SMURF2: variants seen among roughly 807,000 people sequenced by gnomAD.
SMURF2 encodes SMAD specific E3 ubiquitin protein ligase 2.
Under a neutral mutation model 109.6 loss-of-function variants are expected in SMURF2, and 48 were observed. The observed-to-expected ratio is 0.44, with a 90% CI of 0.35 to 0.56. SMURF2 has a LOEUF of 0.56. SMURF2 is among the 20% of genes least tolerant of loss of function. SMURF2 has a pLI of 0.01. For synonymous variants in SMURF2, 288 were observed against 317.1 expected (o/e 0.91, Z 0.97); for missense variants, 575 against 909.0 (o/e 0.63, Z 4.72).
intron 6 of SMURF2, among the ~76,000 whole-genome samples, chr17:64,584,641 G>A (rs1193745280): frequency 1.3e-5 from 2 of 152,080 alleles, no homozygotes; most frequent in East Asian, 3.9e-4. Flanking sequence ...ACAGGCGTAA[G>A]CCACCATGCC....
chr17:64,656,859 G>A (rs1598320586), intron 1 of SMURF2, among the ~76,000 whole-genome samples: 1 of 152,062 alleles, frequency 6.6e-6, no homozygotes, highest in East Asian at 1.9e-4. Context: ...CCCAGATTGT[G>A]TCTAAACAGC....
chr17:64,569,404 G>A (rs1156266510), intron 10 of SMURF2, among the ~76,000 whole-genome samples: 2 of 151,900 alleles, frequency 1.3e-5, no homozygotes, highest in African/African-American at 4.8e-5. Context: ...CTTGTAGTGT[G>A]AATTTTAGAA....
Position 64,583,516 on chromosome 17 carries a change from T to G in SMURF2, c.514A>C (p.Arg172=). The G allele has an allele frequency of 6.2e-7, 1 of 1,614,064 alleles. No homozygotes were observed. Among genetic ancestry groups the G allele is most frequent in the Non-Finnish European group, 8.5e-7 (1 of 1,179,920 alleles). Residue 172 remains arginine, a synonymous_variant, in exon 7 of 19, where the codon AGA becomes CGA. Transcript: ENST00000262435. The part of the protein sequence containing the change: ...GWEERRTASG[R]IQYLNHITRT... ...GTTATATGGTTTAGATACTGGATTC[T>G]TCCAGAGGCGGTTCTCCTTTCTTCC...
intron 10 of SMURF2, among the ~76,000 whole-genome samples, chr17:64,570,224 A>C (rs1969378430): frequency 6.6e-6 from 1 of 152,228 alleles, no homozygotes. Flanking sequence ...AGTCATTTTA[A>C]AGTATATTAT....
At chr17:64,654,091 A>G (rs1970674362) in intron 1 of SMURF2, among the ~76,000 whole-genome samples, 1 of 152,224 alleles carries the variant, frequency 6.6e-6, no homozygotes, top group Non-Finnish European at 1.5e-5. Flanking sequence ...AACTGGCTAC[A>G]AAGAGGTAAG....
At chr17:64,546,852 G>C (rs951077015) in intron 17 of SMURF2, among the ~76,000 whole-genome samples, 2 of 152,226 alleles carry the variant, frequency 1.3e-5, no homozygotes, top group Non-Finnish European at 2.9e-5. Context: ...AGGATGAGGA[G>C]CTCTCCTTAC....
chr17:64,582,060 G>C (rs1969585261), intron 7 of SMURF2, among the ~76,000 whole-genome samples: 1 of 151,926 alleles, frequency 6.6e-6, no homozygotes, highest in South Asian at 2.1e-4. Flanking sequence ...GAAGGAAATT[G>C]GTGTTCAAGT....
rs59188589 is a variant in SMURF2, at chr17:64,545,733, A to AGG, written c.*113_*114dup. 77 of 79,488 alleles carry AGG rather than the reference A, an allele frequency of 9.7e-4. No individual in the cohort carries two copies. Among genetic ancestry groups the AGG allele is most frequent in the Non-Finnish European group, 1.3e-3 (57 of 42,926 alleles). The allele number at this position is 79,488 out of a possible 1,614,324, so 4.9% of individuals were successfully genotyped here. A position where few individuals can be genotyped will look rare whatever the true frequency, so the allele number is the denominator to read the frequency against. ...CTAAAATGTAAAAAAAAAAAAAAAA[A>AGG]GGGGGGGGGGGGGAGTGTTTTCCTG... On this transcript the variant is annotated 3_prime_UTR_variant, in exon 19 of 19. Coordinates refer to ENST00000262435, the MANE Select transcript of SMURF2 (RefSeq NM_022739.4).
intron 1 of SMURF2, among the ~76,000 whole-genome samples, chr17:64,637,363 A>C (rs529891696): frequency 2.0e-5 from 3 of 151,948 alleles, no homozygotes; most frequent in East Asian, 3.9e-4. Context: ...CTGGCCTCAA[A>C]CAACCACTCG....
In SMURF2 at chr17:64,658,292, G is replaced by C. The variant is rs1481668780; in HGVS notation, c.52+3537C>G. The stretch of plus-strand genomic sequence containing the variant: ...GAATCACTTGAACCCGGGAGGTGGA[G>C]GTTGCAGTGGGCCGAGATCAAGCCC... On this transcript the variant is annotated intron_variant, in intron 1 of 18. Transcript: ENST00000262435. Among the ~76,000 whole-genome samples, 12 of 152,142 alleles carry C rather than the reference G, an allele frequency of 7.9e-5. 1 individual carries two copies. The highest frequency in any genetic ancestry group is 7.9e-4 in the Admixed American group (12 of 15,270).
At chr17:64,591,378 A>G (rs1555687707) in intron 4 of SMURF2, among the ~76,000 whole-genome samples, 1 of 152,316 alleles carries the variant, frequency 6.6e-6, no homozygotes, top group Middle Eastern at 3.4e-3. Flanking sequence ...TGTTGGTCTT[A>G]AGGAATTTAT....
intron 2 of SMURF2, among the ~76,000 whole-genome samples, chr17:64,599,367 G>A (rs1304063507): frequency 6.6e-6 from 1 of 152,106 alleles, no homozygotes; most frequent in Non-Finnish European, 1.5e-5. Context: ...TATTTACTAC[G>A]TGGTCCAACA....
At chr17:64,573,169 A>G (rs1555685728) in intron 9 of SMURF2, 3 of 20,976 alleles carry the variant, frequency 1.4e-4, no homozygotes, top group South Asian at 3.0e-3. Flanking sequence ...GAGGGGGAGG[A>G]GGAGGAGGGG....
chr17:64,553,344 A>G (rs1969072621), intron 15 of SMURF2, among the ~76,000 whole-genome samples: 1 of 151,994 alleles, frequency 6.6e-6, no homozygotes, highest in African/African-American at 2.4e-5. Flanking sequence ...ATCTCTGCTA[A>G]TAATAAAAAA....
intron 12 of SMURF2, among the ~76,000 whole-genome samples, chr17:64,559,944 G>A (rs1467916358): frequency 6.6e-6 from 1 of 151,672 alleles, no homozygotes; most frequent in African/African-American, 2.4e-5. Context: ...AGTAGAGACG[G>A]GGTTTCATCA....
intron 1 of SMURF2, among the ~76,000 whole-genome samples, chr17:64,656,965 C>A (rs1970714288): frequency 6.6e-6 from 1 of 152,152 alleles, no homozygotes; most frequent in African/African-American, 2.4e-5. Flanking sequence ...CTAGGTTGGT[C>A]CCTGTCTAGA....
chr17:64,584,176 G>A (rs1555686841), intron 6 of SMURF2, among the ~76,000 whole-genome samples: 4 of 151,258 alleles, frequency 2.6e-5, no homozygotes, highest in African/African-American at 9.7e-5. Context: ...AAATTAGCCG[G>A]GCGTGGTAGC....
intron 3 of SMURF2, among the ~76,000 whole-genome samples, chr17:64,597,741 C>A (rs1301746812): frequency 6.7e-6 from 1 of 150,138 alleles, no homozygotes; most frequent in African/African-American, 2.5e-5. Flanking sequence ...CCACTGCACT[C>A]CAACCTGGGT....
chr17:64,620,483 C>G (rs1323669818), intron 1 of SMURF2, among the ~76,000 whole-genome samples: 2 of 152,144 alleles, frequency 1.3e-5, no homozygotes, highest in Non-Finnish European at 2.9e-5. Flanking sequence ...ACAAGCTCAT[C>G]CTCTTCCCTC....
Sources: gnomAD v4.1 joint callset for allele counts (sites outside exome capture counted in the v4.1 genomes callset) on GRCh38, gnomAD v4.1.1 for gene constraint, MANE v1.5 for transcripts, NCBI Gene and HGNC (gene_info 2026-07-23, HGNC 2026-07-21) for gene names.